Variants in ULK2 observed in about 807,000 individuals in gnomAD.
ULK2 encodes the protein serine/threonine-protein kinase ULK2.
In ULK2, 76 loss-of-function variants were observed where a neutral mutation model predicts 127.5. The ratio of observed to expected loss-of-function variants is 0.60; its 90% CI spans 0.50 to 0.72. The LOEUF (loss-of-function observed/expected upper bound fraction) is 0.72, where lower values mean the gene tolerates loss of function less well. Among genes scored for constraint, ULK2 ranks in the 30% least tolerant of loss-of-function variants. ULK2 has a pLI of 0.00. For missense variants in ULK2, 1,144 were observed against 1,295.9 expected (o/e 0.88, Z 1.80); for synonymous variants, 452 against 461.9 (o/e 0.98, Z 0.28).
chr17:19,780,478 T>C lies in ULK2; in HGVS notation c.2910A>G (p.Val970=), dbSNP rs1463411585. 3.1e-6 allele frequency: 5 copies of C among 1,610,252 alleles called. No homozygotes were observed. The highest frequency in any genetic ancestry group is 4.2e-6 in the Non-Finnish European group (5 of 1,178,768). The stretch of plus-strand genomic sequence containing the variant: ...AAACCTTAGAAAGGGTTACCATTTC[T>C]ACAGCACAATTATAGATGAGTTTCT... ...TAEKLIYNCA[V]EMVQSAALDE... Residue 970 remains valine (V), a synonymous_variant, in exon 25 of 27, where the codon GTA becomes GTG. Coordinates refer to ENST00000395544, the MANE Select transcript of ULK2 (RefSeq NM_014683.4).
intron 13 of ULK2, among the ~76,000 whole-genome samples, 174 bp from the exon 14 acceptor site, chr17:19,810,612 A>C (rs941411634): frequency 1.3e-5 from 2 of 152,228 alleles, no homozygotes; most frequent in African/African-American, 4.8e-5. Context: ...CACCTAGCTG[A>C]AGACATAGGC....
chr17:19,779,243 T>C lies in ULK2; in HGVS notation c.2916+1229A>G, dbSNP rs183343247. On this transcript the variant is annotated intron_variant, in intron 25 of 26. Coordinates refer to ENST00000395544, the MANE Select transcript of ULK2 (RefSeq NM_014683.4). ...TTATGTTAATGTGTTAGAAATACAA[T>C]TGGCATGCCGGGCACAGTGGCTCAC... Among the ~76,000 whole-genome samples, 4 of 152,136 alleles carry C rather than the reference T, an allele frequency of 2.6e-5. No homozygotes were observed. The East Asian group carries it at 7.7e-4, about 29-fold the overall frequency.
chr17:19,810,221 C>A (rs2087605024), intron 14 of ULK2, among the ~76,000 whole-genome samples, 157 bp downstream of exon 14: 2 of 122,620 alleles, frequency 1.6e-5, no homozygotes, highest in Admixed American at 9.3e-5. Context: ...CAGAGCCAGA[C>A]TCCATCTCAA....
intron 18 of ULK2, among the ~76,000 whole-genome samples, 183 bp downstream of exon 18, chr17:19,797,213 T>C (rs755189204): frequency 9.9e-5 from 15 of 151,794 alleles, no homozygotes; most frequent in Non-Finnish European, 1.6e-4. Context: ...ACCAGAATTG[T>C]TTGAACCTGG....
In ULK2 at chr17:19,797,700, G is replaced by T. The variant is rs761407736; in HGVS notation, c.1523-18C>A. The T allele has an allele frequency of 6.8e-7, 1 of 1,471,904 alleles. No homozygotes were observed. Among genetic ancestry groups the T allele is most frequent in the Non-Finnish European group, 9.0e-7 (1 of 1,110,184 alleles). The allele number at this position is 1,471,904 out of a possible 1,614,324, so 91.2% of individuals were successfully genotyped here. A position where few individuals can be genotyped will look rare whatever the true frequency, so the allele number is the denominator to read the frequency against. On this transcript the variant is annotated intron_variant, in intron 17 of 26. Transcript: ENST00000395544. ...TGGAGAACCTAACAAGAAAACAAAT[G>T]TAACATTAACCTGAAGTGAAGAAGT...
rs761081306 is a variant in ULK2 at position 19,867,327 on chromosome 17, C to A, written c.90+1G>T. On this transcript the variant is annotated splice_donor_variant, in intron 1 of 26. Coordinates refer to ENST00000395544, the MANE Select transcript of ULK2 (RefSeq NM_014683.4). LOFTEE classifies it high-confidence loss of function. ...CCGGCCTCGCCCCGGCCGGCGCTCA[C>A]CTGGCGGTGCCGCCCCCGGAAGACC... The A allele has an allele frequency of 6.3e-7, 1 of 1,589,444 alleles. No homozygotes were observed.
intron 20 of ULK2, among the ~76,000 whole-genome samples, chr17:19,789,695 C>T (rs187314219): frequency 5.7e-4 from 86 of 152,058 alleles, no homozygotes; most frequent in Middle Eastern, 3.4e-3. Context: ...AAATCTAACA[C>T]AGACTGAAAT....
At position 19,797,470 on chromosome 17, in the gene ULK2, A is replaced by C. The variant is rs1316110494; in HGVS notation, c.1735T>G (p.Leu579Val). ...TCAGAACTCCGTGGAGAGGACCCCA[A>C]GTGCTTGGTGGGAGAAGTTCCAAGG... ...GSLGTSPTKH[L>V]GSSPRSSDWF... Residue 579 changes from leucine to valine, a missense_variant, in exon 18 of 27, where the codon TTG becomes GTG. Leu to Val is a conservative substitution (Grantham distance 32). Coordinates refer to ENST00000395544, the MANE Select transcript of ULK2 (RefSeq NM_014683.4). 1 of 1,613,974 alleles carries C rather than the reference A, an allele frequency of 6.2e-7. No homozygotes were observed. The highest frequency in any genetic ancestry group is 8.5e-7 in the Non-Finnish European group (1 of 1,179,978).
chr17:19,826,051 A>G, intron 11 of ULK2, 88 bp downstream of exon 11: 1 of 541,226 alleles, frequency 1.8e-6, no homozygotes, highest in Non-Finnish European at 3.0e-6. Context: ...GAGTCACAAT[A>G]AAAGATGAAT....
In ULK2 at chr17:19,823,566, T is replaced by C. The variant is rs546468774; in HGVS notation, c.924+1528A>G. Among the ~76,000 whole-genome samples, 5 of 152,356 alleles carry C rather than the reference T, an allele frequency of 3.3e-5. No individual in the cohort carries two copies. The East Asian group carries it at 7.7e-4, about 24-fold the overall frequency. ...TTCATATTACATTGTGTCAAATATA[T>C]GGTTCATAATAATAGCCACAATTTA... On this transcript the variant is annotated intron_variant, in intron 12 of 26. Transcript: ENST00000395544.
At chr17:19,838,610 C>T in intron 9 of ULK2, 27 bp from the exon 10 acceptor site, 1 of 1,587,682 alleles carries the variant, frequency 6.3e-7, no homozygotes, top group Non-Finnish European at 8.6e-7. Flanking sequence ...ACACAACCAC[C>T]TAAGTGATAA....
At chr17:19,781,618 G>C (rs1001815271) in intron 23 of ULK2, among the ~76,000 whole-genome samples, 2 of 152,112 alleles carry the variant, frequency 1.3e-5, no homozygotes, top group African/African-American at 4.8e-5. Flanking sequence ...TGTGTGTACT[G>C]TGAAAATAAC....
intron 10 of ULK2, among the ~76,000 whole-genome samples, chr17:19,828,118 T>A (rs1465516424): frequency 6.6e-6 from 1 of 151,726 alleles, no homozygotes; most frequent in Non-Finnish European, 1.5e-5. Flanking sequence ...TTATCTAAAG[T>A]GCTGAAAGAA....
chr17:19,864,699 C>G (rs2042316172), intron 3 of ULK2, 104 bp downstream of exon 3: 4 of 407,478 alleles, frequency 9.8e-6, no homozygotes, highest in Admixed American at 4.6e-5. Flanking sequence ...TGCATCTTTT[C>G]AACAAGAATT....
chr17:19,848,509 T>C (rs891060690), intron 5 of ULK2, among the ~76,000 whole-genome samples: 4 of 152,198 alleles, frequency 2.6e-5, no homozygotes. Context: ...GCCCAGTGTG[T>C]GGCTCACGCC....
At chr17:19,852,393 C>T (rs1346141987) in intron 3 of ULK2, among the ~76,000 whole-genome samples, 2 of 150,090 alleles carry the variant, frequency 1.3e-5, no homozygotes, top group African/African-American at 4.9e-5. Context: ...TGGTGGCCGG[C>T]GCCTATAGCC....
At chr17:19,839,499 C>T (rs918853768) in intron 9 of ULK2, among the ~76,000 whole-genome samples, 2 of 150,346 alleles carry the variant, frequency 1.3e-5, no homozygotes, top group African/African-American at 4.9e-5. Context: ...ATCCCGTCTC[C>T]ACTAAAAATA....
chr17:19,793,188 GC>G (rs2087194428), intron 20 of ULK2, among the ~76,000 whole-genome samples: 1 of 152,094 alleles, frequency 6.6e-6, no homozygotes, highest in South Asian at 2.1e-4. Context: ...GCGGGGAAGA[GC>G]CCCTTATAAA....
At chr17:19,799,603 G>A (rs777767528) in intron 16 of ULK2, 28 bp from the exon 17 acceptor site, 2 of 1,418,306 alleles carry the variant, frequency 1.4e-6, no homozygotes, top group South Asian at 1.4e-5. Context: ...AAAAAGATGG[G>A]GAAAGGAAGA....
Sources: allele counts gnomAD v4.1 joint callset (sites outside exome capture counted in the v4.1 genomes callset), GRCh38; gene constraint gnomAD v4.1.1; transcripts MANE v1.5; gene names NCBI Gene and HGNC (gene_info 2026-07-23, HGNC 2026-07-21).